JAM2: variants seen among roughly 807,000 people sequenced by gnomAD.
JAM2 encodes the protein junctional adhesion molecule 2.
In JAM2, 17 loss-of-function variants were observed where a neutral mutation model predicts 42.0. That is an observed-to-expected ratio of 0.40 (90% confidence interval 0.28 to 0.61). JAM2 has a LOEUF of 0.61. Ranked by LOEUF, JAM2 falls within the 20% of genes least tolerant of loss-of-function variation. The pLI is 0.37. For synonymous variants in JAM2, 118 were observed against 128.6 expected, an observed-to-expected ratio of 0.92 and a Z score of 0.56; for missense variants, 319 against 358.3, an observed-to-expected ratio of 0.89 and a Z score of 0.89.
At chr21:25,709,230 A>G (rs540239950) in intron 7 of JAM2, among the ~76,000 whole-genome samples, 1 of 152,148 alleles carries the variant, frequency 6.6e-6, no homozygotes, top group African/African-American at 2.4e-5. Context: ...CCTATATAGT[A>G]TCCTCTTGGC....
chr21:25,699,913 G>C (rs1453224366), intron 5 of JAM2, among the ~76,000 whole-genome samples: 2 of 151,822 alleles, frequency 1.3e-5, no homozygotes, highest in African/African-American at 2.4e-5. Flanking sequence ...ACTTGCTTGG[G>C]GATACCCTGA....
intron 4 of JAM2, among the ~76,000 whole-genome samples, chr21:25,697,525 A>T (rs1366542149): frequency 3.3e-5 from 5 of 152,164 alleles, no homozygotes; most frequent in African/African-American, 4.8e-5. Flanking sequence ...CCAGAATAAC[A>T]CTAATACCTG....
intron 1 of JAM2, among the ~76,000 whole-genome samples, chr21:25,677,550 A>C (rs2033527362): frequency 6.6e-6 from 1 of 152,248 alleles, no homozygotes; most frequent in South Asian, 2.1e-4. Context: ...CCTGAAACCC[A>C]GTTCCTAAAT....
chr21:25,709,144 GTTA>G (rs1023338561), intron 7 of JAM2, among the ~76,000 whole-genome samples: 7 of 151,058 alleles, frequency 4.6e-5, no homozygotes, highest in African/African-American at 7.3e-5. Flanking sequence ...TATTATTATT[GTTA>G]TTATTATTAT....
At chr21:25,704,203 TTAC>T (rs2034225864) in intron 6 of JAM2, among the ~76,000 whole-genome samples, 1 of 152,156 alleles carries the variant, frequency 6.6e-6, no homozygotes, top group Non-Finnish European at 1.5e-5. Flanking sequence ...AAGATTATGA[TTAC>T]TGTAGATTTT....
chr21:25,688,517 TTTCCTCAGACAG>T, intron 2 of JAM2, among the ~76,000 whole-genome samples: 1 of 152,344 alleles, frequency 6.6e-6, no homozygotes, highest in African/African-American at 2.4e-5. Context: ...AAGAACTGTG[TTTCCTCAGACAG>T]GTCCCTTAGC....
intron 2 of JAM2, 66 bp from the exon 3 acceptor site, chr21:25,689,800 C>A: frequency 2.1e-6 from 2 of 974,996 alleles, no homozygotes; most frequent in South Asian, 1.4e-5. Flanking sequence ...ATTTTGTTAC[C>A]TAGTTAAGTA....
chr21:25,652,000 T>A (rs747515851), intron 1 of JAM2, among the ~76,000 whole-genome samples: 4 of 152,354 alleles, frequency 2.6e-5, no homozygotes, highest in Non-Finnish European at 4.4e-5. Context: ...GCTTATTACA[T>A]AGATTTCATT....
intron 1 of JAM2, among the ~76,000 whole-genome samples, chr21:25,672,842 G>A (rs377400233): frequency 1.3e-5 from 2 of 152,110 alleles, no homozygotes; most frequent in East Asian, 3.8e-4. Context: ...TAGGGCCATC[G>A]TTTTGTTTTC....
intron 1 of JAM2, among the ~76,000 whole-genome samples, chr21:25,671,701 G>T (rs1302564618): frequency 6.6e-6 from 1 of 152,064 alleles, no homozygotes; most frequent in African/African-American, 2.4e-5. Flanking sequence ...TAGAGATGGG[G>T]TTTCACCATG....
chr21:25,693,716 T>A, intron 3 of JAM2, 40 bp from the exon 4 acceptor site: 1 of 1,554,416 alleles, frequency 6.4e-7, no homozygotes. Flanking sequence ...AGAAAGCTAC[T>A]TGGATTATTA....
At chr21:25,662,599 G>A (rs181674965) in intron 1 of JAM2, among the ~76,000 whole-genome samples, 2 of 152,182 alleles carry the variant, frequency 1.3e-5, no homozygotes, top group South Asian at 4.1e-4. Flanking sequence ...GATAGGAGGT[G>A]TGAGCCACCG....
At chr21:25,709,406 T>A in intron 7 of JAM2, 28 bp from the exon 8 acceptor site, 2 of 1,242,358 alleles carry the variant, frequency 1.6e-6, no homozygotes, top group Non-Finnish European at 1.2e-6. Context: ...AACCCTTGCA[T>A]TAATGATATA....
Position 25,683,924 on chromosome 21 carries a change from G to A in JAM2, c.109G>A (p.Val37Ile), listed in dbSNP as rs764525108. The A allele has an allele frequency of 3.0e-5, 49 of 1,608,868 alleles. No individual in the cohort carries two copies. The African/African-American group carries it at 6.6e-4, about 22-fold the overall frequency. ...GTTTTCTGCCCCAAAAGACCAACAA[G>A]TAGTCACAGCAGTAGAGTACCAAGG... ...YGFSAPKDQQVVTAVEYQEAI... is the reference protein window; with the variant it reads ...YGFSAPKDQQIVTAVEYQEAI... Residue 37 changes from valine to isoleucine, a missense_variant, in exon 2 of 10, where the codon GTA becomes ATA. Physicochemically the swap from Val to Ile is conservative, Grantham distance 29. Transcript: ENST00000480456.
intron 5 of JAM2, among the ~76,000 whole-genome samples, chr21:25,700,684 G>A (rs1222850046): frequency 1.3e-5 from 2 of 152,160 alleles, no homozygotes; most frequent in South Asian, 2.1e-4. Context: ...TTGAAAGGAG[G>A]ATATAATGCT....
intron 2 of JAM2, among the ~76,000 whole-genome samples, chr21:25,687,617 C>G (rs2033778598): frequency 6.6e-6 from 1 of 152,146 alleles, no homozygotes; most frequent in African/African-American, 2.4e-5. Context: ...TTACAAAATA[C>G]TACAAACCAG....
At chr21:25,693,935 C>A in intron 4 of JAM2, 27 bp downstream of exon 4, 1 of 1,605,714 alleles carries the variant, frequency 6.2e-7, no homozygotes, top group South Asian at 1.1e-5. Context: ...TGTGTGACTA[C>A]GTCTCCCACT....
intron 1 of JAM2, among the ~76,000 whole-genome samples, chr21:25,671,193 C>T (rs1237600989): frequency 1.3e-5 from 2 of 152,146 alleles, no homozygotes; most frequent in Non-Finnish European, 2.9e-5. Flanking sequence ...ATTTCTTTCT[C>T]CCAGCTTTGT....
intron 1 of JAM2, among the ~76,000 whole-genome samples, chr21:25,657,515 C>T (rs2032971761): frequency 6.6e-6 from 1 of 152,162 alleles, no homozygotes; most frequent in Admixed American, 6.5e-5. Context: ...TGAAATGTCT[C>T]TACTAGATGT....
Sources: allele counts gnomAD v4.1 joint callset (sites outside exome capture counted in the v4.1 genomes callset), GRCh38; gene constraint gnomAD v4.1.1; transcripts MANE v1.5; gene names NCBI Gene and HGNC (gene_info 2026-07-23, HGNC 2026-07-21).